The following NPAS3 variants were observed in gnomAD, a reference collection of about 807,000 sequenced individuals.
NPAS3 encodes neuronal PAS domain-containing protein 3.
In NPAS3, 14 loss-of-function variants were observed where a neutral mutation model predicts 73.1. The ratio of observed to expected loss-of-function variants is 0.19; its 90% CI spans 0.13 to 0.30. NPAS3 has a LOEUF of 0.30. Ranked by LOEUF, NPAS3 falls within the 10% of genes least tolerant of loss-of-function variation. The pLI, the probability that NPAS3 is intolerant of heterozygous loss-of-function variation, is 1.00. For missense variants in NPAS3, 1,096 were observed against 1,250.0 expected (o/e 0.88, Z 1.86); for synonymous variants, 620 against 541.5 (o/e 1.14, Z -2.01).
intron 3 of NPAS3, among the ~76,000 whole-genome samples, chr14:33,361,051 G>A (rs2045577916): frequency 1.3e-5 from 2 of 152,140 alleles, no homozygotes; most frequent in African/African-American, 4.8e-5. Flanking sequence ...GCCCGTGTGA[G>A]GGACATACAG....
chr14:33,564,369 AGATTATGACATT>A (rs2055815794), intron 5 of NPAS3, among the ~76,000 whole-genome samples: 1 of 152,212 alleles, frequency 6.6e-6, no homozygotes, highest in Admixed American at 6.5e-5. Context: ...GCTAACCTGT[AGATTATGACATT>A]GATTTGCTTC....
intron 2 of NPAS3, among the ~76,000 whole-genome samples, chr14:33,116,524 A>G (rs2043068989): frequency 6.6e-6 from 1 of 152,268 alleles, no homozygotes; most frequent in East Asian, 1.9e-4. Context: ...ATAAGACATT[A>G]CTAAGATAAG....
chr14:33,441,025 G>C (rs977132363), intron 4 of NPAS3, among the ~76,000 whole-genome samples: 12 of 152,276 alleles, frequency 7.9e-5, no homozygotes, highest in African/African-American at 2.6e-4. Flanking sequence ...AAACCCCACT[G>C]TCCTTAGATT....
chr14:32,976,519 C>G (rs1007611487), intron 1 of NPAS3, among the ~76,000 whole-genome samples: 1 of 152,126 alleles, frequency 6.6e-6, no homozygotes, highest in African/African-American at 2.4e-5. Context: ...GAGGCCTGTT[C>G]TAGAAAATGT....
chr14:33,766,338 C>A (rs2140856596), intron 7 of NPAS3, among the ~76,000 whole-genome samples: 1 of 152,304 alleles, frequency 6.6e-6, no homozygotes, highest in East Asian at 1.9e-4. Flanking sequence ...AGGATTCAGA[C>A]CAAGCATCAA....
chr14:33,107,532 T>C (rs957710202), intron 2 of NPAS3, among the ~76,000 whole-genome samples: 1 of 152,182 alleles, frequency 6.6e-6, no homozygotes, highest in Admixed American at 6.5e-5. Context: ...TCTGCTTTAG[T>C]TTGCCTAGGA....
chr14:33,277,214 C>A (rs2041374881), intron 3 of NPAS3, among the ~76,000 whole-genome samples: 1 of 152,204 alleles, frequency 6.6e-6, no homozygotes, highest in South Asian at 2.1e-4. Context: ...TTGCTTGATT[C>A]CCAGCAGATA....
chr14:33,075,059 TATCTTTTAA>T (rs1397199066), intron 2 of NPAS3, among the ~76,000 whole-genome samples: 2 of 152,228 alleles, frequency 1.3e-5, no homozygotes, highest in Non-Finnish European at 2.9e-5. Flanking sequence ...AGTAGATTTT[TATCTTTTAA>T]ATCATAAGAG....
At chr14:33,763,779 C>T (rs1299652533) in intron 7 of NPAS3, among the ~76,000 whole-genome samples, 1 of 151,258 alleles carries the variant, frequency 6.6e-6, no homozygotes, top group African/African-American at 2.4e-5. Flanking sequence ...ACTGCAGCCT[C>T]TTGGGAATTG....
intron 5 of NPAS3, among the ~76,000 whole-genome samples, chr14:33,561,658 A>G (rs1271392848): frequency 6.6e-6 from 1 of 152,184 alleles, no homozygotes; most frequent in Non-Finnish European, 1.5e-5. Context: ...GTGAGCCACC[A>G]TGTCGCGATG....
intron 5 of NPAS3, among the ~76,000 whole-genome samples, chr14:33,673,880 G>A (rs567271447): frequency 4.6e-5 from 7 of 152,336 alleles, no homozygotes; most frequent in Admixed American, 3.9e-4. Context: ...GTCAGGTTAT[G>A]AGTCCAAGTA....
At position 33,172,327 on chromosome 14, in the gene NPAS3, C is replaced by T. The variant is rs117663185; in HGVS notation, c.141-42855C>T. ...TGCAGTAAGACGAAGTATGCCTGTA[C>T]TTGAGAGTAGAGTCTGCTCATTTTT... On this transcript the variant is annotated intron_variant, in intron 2 of 11. Transcript: ENST00000356141. Among the ~76,000 whole-genome samples the T allele has an allele frequency of 2.0e-4, 31 of 152,316 alleles. No homozygotes were observed. The East Asian group carries it at 5.4e-3, about 27-fold the overall frequency.
At chr14:33,646,794 C>A (rs538640922) in intron 5 of NPAS3, among the ~76,000 whole-genome samples, 1 of 152,172 alleles carries the variant, frequency 6.6e-6, no homozygotes, top group Non-Finnish European at 1.5e-5. Context: ...TTTGCTCACA[C>A]GTTAGCAATT....
chr14:32,970,898 A>G (rs2037391671), intron 1 of NPAS3, among the ~76,000 whole-genome samples: 1 of 151,976 alleles, frequency 6.6e-6, no homozygotes, highest in Non-Finnish European at 1.5e-5. Flanking sequence ...CAAAACCCCT[A>G]TTTCTAAGTA....
At chr14:33,311,966 T>C (rs2043020834) in intron 3 of NPAS3, among the ~76,000 whole-genome samples, 1 of 152,076 alleles carries the variant, frequency 6.6e-6, no homozygotes, top group African/African-American at 2.4e-5. Flanking sequence ...AATAGTTTGG[T>C]TGGACTATAT....
chr14:33,294,796 A>G (rs1377538144), intron 3 of NPAS3, among the ~76,000 whole-genome samples: 2 of 152,194 alleles, frequency 1.3e-5, no homozygotes, highest in African/African-American at 4.8e-5. Flanking sequence ...AGGAATCACA[A>G]GTGCCCAAAC....
At chr14:33,071,030 C>T (rs1261671180) in intron 2 of NPAS3, among the ~76,000 whole-genome samples, 1 of 152,074 alleles carries the variant, frequency 6.6e-6, no homozygotes, top group African/African-American at 2.4e-5. Context: ...GTAATTTTAG[C>T]CTCTATCAGT....
At chr14:33,735,165 G>C (rs1339859299) in intron 6 of NPAS3, 49 bp from the exon 7 acceptor site, 1 of 1,305,782 alleles carries the variant, frequency 7.7e-7, no homozygotes, top group Non-Finnish European at 1.1e-6. Flanking sequence ...GCTGTGAGGG[G>C]CTGTGTCAAG....
At chr14:33,405,284 C>G (rs976788156) in intron 4 of NPAS3, among the ~76,000 whole-genome samples, 1 of 152,022 alleles carries the variant, frequency 6.6e-6, no homozygotes, top group Admixed American at 6.6e-5. Context: ...TCCCTTTAGG[C>G]AGGAAGAGGC....
Sources: allele counts gnomAD v4.1 joint callset (sites outside exome capture counted in the v4.1 genomes callset), GRCh38; gene constraint gnomAD v4.1.1; transcripts MANE v1.5; gene names NCBI Gene and HGNC (gene_info 2026-07-23, HGNC 2026-07-21).